CADPS: variants seen among roughly 807,000 people sequenced by gnomAD.
CADPS encodes calcium-dependent secretion activator 1.
CADPS carries 57 observed loss-of-function variants against 167.3 expected under a neutral mutation model. The ratio of observed to expected loss-of-function variants is 0.34; its 90% CI spans 0.28 to 0.42. The LOEUF is 0.42. Ranked by LOEUF, CADPS falls within the 20% of genes least tolerant of loss-of-function variation. The probability of loss-of-function intolerance (pLI) is 1.00; values close to 1 mark genes in which losing one functional copy is unlikely to be tolerated. For synonymous variants in CADPS, 676 were observed against 635.3 expected, an observed-to-expected ratio of 1.06 and a Z score of -0.96; for missense variants, 1,414 against 1,738.1, an observed-to-expected ratio of 0.81 and a Z score of 3.32.
At chr3:62,748,344 C>CAAAAAAAAAAAAAAAAAAAAAAAA (rs60942307) in intron 3 of CADPS, among the ~76,000 whole-genome samples, 4 of 48,492 alleles carry the variant, frequency 8.2e-5, no homozygotes, top group African/African-American at 1.7e-4. Context: ...GACTCCGTCT[C>CAAAAAAAAAAAAAAAAAAAAAAAA]AAAAAAAAAA....
intron 9 of CADPS, among the ~76,000 whole-genome samples, chr3:62,565,059 T>C (rs2079894393): frequency 1.3e-5 from 2 of 152,348 alleles, no homozygotes; most frequent in South Asian, 4.1e-4. Context: ...TATCCAGCAG[T>C]GCTCTATGGA....
At chr3:62,789,217 G>A (rs1032228731) in intron 1 of CADPS, among the ~76,000 whole-genome samples, 21 of 152,266 alleles carry the variant, frequency 1.4e-4, no homozygotes, top group Middle Eastern at 3.4e-3. Flanking sequence ...AGCTTTATAT[G>A]TACTATCCTG....
chr3:62,722,343 C>T (rs759488840), intron 3 of CADPS, among the ~76,000 whole-genome samples: 8 of 152,322 alleles, frequency 5.3e-5, no homozygotes, highest in South Asian at 4.1e-4. Flanking sequence ...GACAGGATCC[C>T]GGAAGGGAGC....
chr3:62,825,641 T>C (rs1275404069), intron 1 of CADPS, among the ~76,000 whole-genome samples: 2 of 152,182 alleles, frequency 1.3e-5, no homozygotes, highest in Non-Finnish European at 2.9e-5. Flanking sequence ...TGGTAAATAA[T>C]GGGGCTGAGA....
chr3:62,422,583 G>C (rs977643006), intron 28 of CADPS, among the ~76,000 whole-genome samples: 1 of 151,078 alleles, frequency 6.6e-6, no homozygotes, highest in Non-Finnish European at 1.5e-5. Flanking sequence ...GCTTTGGTTA[G>C]AAATAAATCA....
chr3:62,499,362 T>G, intron 17 of CADPS, 94 bp from the exon 18 acceptor site: 1 of 771,428 alleles, frequency 1.3e-6, no homozygotes, highest in Admixed American at 2.1e-5. Flanking sequence ...AGAATAGTTA[T>G]CAGTTTTTTA....
intron 9 of CADPS, among the ~76,000 whole-genome samples, chr3:62,568,405 G>A (rs76048481): frequency 6.6e-6 from 1 of 152,358 alleles, no homozygotes; most frequent in Admixed American, 6.5e-5. Context: ...GTGGAAGGAG[G>A]TGGGATAAGA....
chr3:62,765,419 G>A (rs973133704), intron 2 of CADPS, among the ~76,000 whole-genome samples: 1 of 152,034 alleles, frequency 6.6e-6, no homozygotes, highest in Non-Finnish European at 1.5e-5. Context: ...GAATAAGGAA[G>A]TTCATGAAGC....
intron 3 of CADPS, among the ~76,000 whole-genome samples, chr3:62,737,501 C>T (rs886272385): frequency 7.9e-5 from 12 of 151,568 alleles, no homozygotes; most frequent in Middle Eastern, 6.9e-3. Flanking sequence ...AAAAAGAAAA[C>T]GTAAACAGAA....
At position 62,445,727 on chromosome 3, in the gene CADPS, CA is replaced by C. The variant is rs760770945; in HGVS notation, c.3669+37del. 1.0e-4 allele frequency: 97 copies of C among 928,110 alleles called. 2 individuals are homozygous for C. Among genetic ancestry groups the C allele is most frequent in the African/African-American group, 8.2e-4 (39 of 47,618 alleles). The allele number at this position is 928,110 out of a possible 1,614,324, so 57.5% of individuals were successfully genotyped here. On this transcript the variant is annotated intron_variant, in intron 27 of 29. Coordinates refer to ENST00000383710, the MANE Select transcript of CADPS (RefSeq NM_003716.4). ...AAGTAAAAATGAAAAAAAAAAAAAACAAAAAAACCCCATGAGAAACAATTTT... is the reference window on the plus strand; with the variant it reads ...AAGTAAAAATGAAAAAAAAAAAAAACAAAAAACCCCATGAGAAACAATTTT...
chr3:62,417,923 G>C lies in CADPS; in HGVS notation c.3778-14738C>G, dbSNP rs73102546. Among the ~76,000 whole-genome samples the C allele has an allele frequency of 7.3e-3, 1,105 of 152,140 alleles. 11 individuals carry two copies. The highest frequency in any genetic ancestry group is 0.018 in the Admixed American group (280 of 15,286). ...CATGTGCCTATAGTCTCAGCTACTT[G>C]GGAGTTTGAGGCGGGAGGATCACTA... is the stretch of plus-strand genomic sequence containing the variant. On this transcript the variant is annotated intron_variant, in intron 28 of 29. Transcript: ENST00000383710.
In CADPS at chr3:62,489,273, G is replaced by C. The variant is rs537838602; in HGVS notation, c.3026+2066C>G. Among the ~76,000 whole-genome samples, 4 of 152,010 alleles carry C rather than the reference G, an allele frequency of 2.6e-5. 1 individual carries two copies. The South Asian group carries it at 8.3e-4, about 32-fold the overall frequency. ...CCTCCTGGGTTCACACCATTCTCCT[G>C]CCTCAGCCTCCCGAGTAGCTGGGAC... On this transcript the variant is annotated intron_variant, in intron 21 of 29. Transcript: ENST00000383710.
chr3:62,723,892 G>T (rs2076272402), intron 3 of CADPS, among the ~76,000 whole-genome samples: 1 of 152,194 alleles, frequency 6.6e-6, no homozygotes, highest in Admixed American at 6.5e-5. Context: ...TCAGTGGGAG[G>T]CCTTGGAGAG....
At chr3:62,868,489 GA>G (rs1209697361) in intron 1 of CADPS, among the ~76,000 whole-genome samples, 1 of 152,010 alleles carries the variant, frequency 6.6e-6, no homozygotes, top group Non-Finnish European at 1.5e-5. Context: ...CCACTTGTAA[GA>G]GAAGCCAGAA....
intron 3 of CADPS, among the ~76,000 whole-genome samples, chr3:62,722,740 A>G (rs1048173108): frequency 3.3e-5 from 5 of 152,204 alleles, no homozygotes; most frequent in African/African-American, 1.2e-4. Context: ...CCACACATGA[A>G]CAGATTGATC....
chr3:62,499,616 C>T (rs183069174), intron 17 of CADPS: 1 of 159,032 alleles, frequency 6.3e-6, no homozygotes, highest in East Asian at 1.7e-4. Context: ...AATTATGCTA[C>T]CTGAAGTGGG....
chr3:62,875,096 A>G lies in CADPS; in HGVS notation c.-67T>C. The G allele has an allele frequency of 6.8e-7, 1 of 1,469,000 alleles. No homozygotes were observed. The highest frequency in any genetic ancestry group is 2.9e-5 in the East Asian group (1 of 34,072). 91.0% of individuals were successfully genotyped at this position (1,469,000 alleles called of 1,614,324 possible). A position where few individuals can be genotyped will look rare whatever the true frequency, so the allele number is the denominator to read the frequency against. On this transcript the variant is annotated 5_prime_UTR_variant, in exon 1 of 30. Coordinates refer to ENST00000383710, the MANE Select transcript of CADPS (RefSeq NM_003716.4). ...GAGTGCAAAAGGTGGGGGGCGCTGGAGGCAGCCGGGGATCAGCTCTCCCGG... is the reference window on the plus strand; with the variant it reads ...GAGTGCAAAAGGTGGGGGGCGCTGGGGGCAGCCGGGGATCAGCTCTCCCGG...
chr3:62,585,293 T>C lies in CADPS; in HGVS notation c.1469A>G (p.Lys490Arg). The change falls in exon 8 of 30, where the codon AAA (lysine) becomes AGA (arginine). Residue 490 changes from lysine to arginine, a missense_variant. Physicochemically the swap from Lys to Arg is conservative, Grantham distance 26. Transcript: ENST00000383710. Reference protein sequence around the residue: ...VILHPTPNSPKQSEWHKMTVS... With the variant: ...VILHPTPNSPRQSEWHKMTVS... ...TGTCATTTTGTGCCACTCTGACTGT[T>C]TGGGGCTGTTCGGGGTGGGATGGAG... is the stretch of plus-strand genomic sequence containing the variant. 1 of 1,613,316 alleles carries C rather than the reference T, an allele frequency of 6.2e-7. No homozygotes were observed. The highest frequency in any genetic ancestry group is 8.5e-7 in the Non-Finnish European group (1 of 1,179,502).
intron 3 of CADPS, among the ~76,000 whole-genome samples, chr3:62,700,084 T>C (rs56259670): frequency 0.47 from 71,025 of 151,958 alleles, 17,772 homozygotes; most frequent in East Asian, 0.86. Flanking sequence ...ATGCTATGGA[T>C]CTAAGATTCC....
Sources: allele counts gnomAD v4.1 joint callset (sites outside exome capture counted in the v4.1 genomes callset), GRCh38; gene constraint gnomAD v4.1.1; transcripts MANE v1.5; gene names NCBI Gene and HGNC (gene_info 2026-07-23, HGNC 2026-07-21).